The following PCDHA9 variants were observed in gnomAD, a reference collection of about 807,000 sequenced individuals.
The protein encoded by PCDHA9 is protocadherin alpha-9.
In PCDHA9, 62 loss-of-function variants were observed where a neutral mutation model predicts 62.0. That is an observed-to-expected ratio of 1.00 (90% CI 0.81 to 1.23). The LOEUF (loss-of-function observed/expected upper bound fraction) is 1.23. PCDHA9 is among the 50% of genes most tolerant of loss of function. The pLI is 0.00. For missense variants in PCDHA9, 1,205 were observed against 1,249.8 expected (o/e 0.96, Z 0.54); for synonymous variants, 557 against 567.6 (o/e 0.98, Z 0.27).
chr5:140,950,862 A>G (rs2094526538), intron 1 of PCDHA9, among the ~76,000 whole-genome samples: 1 of 151,952 alleles, frequency 6.6e-6, no homozygotes, highest in African/African-American at 2.4e-5. Context: ...ATATTCTTGT[A>G]TATTCTATAT....
chr5:140,932,593 A>T (rs1347990722), intron 1 of PCDHA9, among the ~76,000 whole-genome samples: 1 of 151,922 alleles, frequency 6.6e-6, no homozygotes, highest in South Asian at 2.1e-4. Context: ...GATGTTTTGT[A>T]TATCTATTTT....
intron 3 of PCDHA9, among the ~76,000 whole-genome samples, chr5:140,985,770 C>T (rs1456292041): frequency 1.5e-5 from 2 of 132,222 alleles, no homozygotes; most frequent in African/African-American, 2.8e-5. Flanking sequence ...GAGACAGTCT[C>T]GCTCTGTCGC....
At chr5:140,853,405 G>A (rs2042737613) in intron 1 of PCDHA9, 1 of 986,340 alleles carries the variant, frequency 1.0e-6, no homozygotes, top group Non-Finnish European at 1.2e-6. Flanking sequence ...GTTCAAAACA[G>A]AGAGGTGAAA....
chr5:140,866,964 C>T (rs1197921114), intron 1 of PCDHA9: 1 of 152,102 alleles, frequency 6.6e-6, no homozygotes, highest in East Asian at 1.9e-4. Flanking sequence ...GAGATGGTGA[C>T]ATCTGAAATA....
At chr5:140,959,524 C>T (rs187530929) in intron 1 of PCDHA9, among the ~76,000 whole-genome samples, 1 of 152,024 alleles carries the variant, frequency 6.6e-6, no homozygotes. Context: ...ATCTTTAAGA[C>T]CATTAATTCA....
chr5:140,921,051 C>T (rs2079992855), intron 1 of PCDHA9, among the ~76,000 whole-genome samples: 1 of 151,910 alleles, frequency 6.6e-6, no homozygotes, highest in Non-Finnish European at 1.5e-5. Context: ...GCAATCATAG[C>T]TCACTCTAAC....
At chr5:140,976,578 A>C (rs997881753) in intron 1 of PCDHA9, among the ~76,000 whole-genome samples, 1 of 152,204 alleles carries the variant, frequency 6.6e-6, no homozygotes, top group Admixed American at 6.5e-5. Context: ...TATAAATAAA[A>C]CACAGACTTT....
chr5:140,877,324 G>C (rs782336745), intron 1 of PCDHA9: 3 of 1,613,990 alleles, frequency 1.9e-6, no homozygotes, highest in Non-Finnish European at 2.5e-6. Context: ...GGCGGTCGGC[G>C]CGCACATCCC....
intron 1 of PCDHA9, chr5:140,884,544 G>A (rs1554181708): frequency 6.2e-7 from 1 of 1,614,222 alleles, no homozygotes; most frequent in East Asian, 2.2e-5. Flanking sequence ...CCGAGGGTGT[G>A]CTCTGGGGAG....
chr5:140,966,543 A>G lies in PCDHA9; in HGVS notation c.2395-12406A>G, dbSNP rs200134570. 641 of 461,190 alleles carry G rather than the reference A, an allele frequency of 1.4e-3. 4 individuals carry two copies. The highest frequency in any genetic ancestry group is 0.011 in the African/African-American group (555 of 49,108). The allele number at this position is 461,190 out of a possible 1,614,324, so 28.6% of individuals were successfully genotyped here. ...AGCCGAGCCGGGTTGAGCGACTCGGAGGCGAGCGGAGGAGCTGGAATATGG... is the reference window on the plus strand; with the variant it reads ...AGCCGAGCCGGGTTGAGCGACTCGGGGGCGAGCGGAGGAGCTGGAATATGG... On this transcript the variant is annotated intron_variant, in intron 1 of 3. Coordinates refer to ENST00000532602, the MANE Select transcript of PCDHA9 (RefSeq NM_031857.2).
chr5:140,917,960 T>C (rs531936377), intron 1 of PCDHA9, among the ~76,000 whole-genome samples: 8 of 152,316 alleles, frequency 5.3e-5, no homozygotes, highest in East Asian at 3.9e-4. Context: ...AGGAACATCA[T>C]TGAATCTGTG....
At chr5:140,885,267 C>CAT (rs1219745687) in intron 1 of PCDHA9, among the ~76,000 whole-genome samples, 1 of 151,978 alleles carries the variant, frequency 6.6e-6, no homozygotes, top group East Asian at 1.9e-4. Context: ...ATTACTCATA[C>CAT]ATATATATAT....
Position 140,910,294 on chromosome 5 carries a change from A to C in PCDHA9, c.2394+59405A>C, listed in dbSNP as rs146332329. Among the ~76,000 whole-genome samples, 1,310 of 151,558 alleles carry C rather than the reference A, an allele frequency of 8.6e-3. 14 individuals carry two copies. The highest frequency in any genetic ancestry group is 0.03 in the African/African-American group (1,252 of 41,252). ...TCTAGGAACACCATGATTAATCAAC[A>C]GATGCCAGAGATCTACATGAGTCAG... On this transcript the variant is annotated intron_variant, in intron 1 of 3. Transcript: ENST00000532602.
chr5:140,901,263 G>A (rs967047702), intron 1 of PCDHA9, among the ~76,000 whole-genome samples: 1 of 151,938 alleles, frequency 6.6e-6, no homozygotes, highest in Admixed American at 6.6e-5. Flanking sequence ...GTGATTGTGG[G>A]GTATTACTCA....
Position 140,850,531 on chromosome 5 carries a change from C to T in PCDHA9, c.2036C>T (p.Ser679Leu), listed in dbSNP as rs2150488289. 32 of 1,598,158 alleles carry T rather than the reference C, an allele frequency of 2.0e-5. 1 individual carries two copies. The East Asian group carries it at 2.5e-4, about 12-fold the overall frequency. Residue 679 changes from serine (S) to leucine (L), a missense_variant, in exon 1 of 4, where the codon TCG becomes TTG. This residue lies in a region of PCDHA9 where 887 missense variants were observed against 809.5 expected (regional missense o/e 1.10). Coordinates refer to ENST00000532602, the MANE Select transcript of PCDHA9 (RefSeq NM_031857.2). ...LVESGQAPKS[S>L]SRASVGATGP... ...GAGAGCGGCCAGGCGCCAAAGTCAT[C>T]GTCGCGGGCGTCAGTGGGTGCCACG...
Position 140,850,385 on chromosome 5 carries a change from G to A in PCDHA9, c.1890G>A (p.Glu630=), listed in dbSNP as rs2150481955. The A allele has an allele frequency of 2.5e-6, 4 of 1,598,006 alleles. No individual in the cohort carries two copies. Among genetic ancestry groups the A allele is most frequent in the South Asian group, 1.1e-5 (1 of 90,528 alleles). Residue 630 remains glutamate, a synonymous_variant, in exon 1 of 4, where the codon GAG becomes GAA. Coordinates refer to ENST00000532602, the MANE Select transcript of PCDHA9 (RefSeq NM_031857.2). ...TCCGCGTGGGGCTGTACACGGGCGA[G>A]ATCAGCACAACGCGTGCCCTGGACG... ...IPFRVGLYTG[E]ISTTRALDET...
intron 1 of PCDHA9, chr5:140,871,242 G>T: frequency 6.2e-7 from 1 of 1,613,980 alleles, no homozygotes; most frequent in South Asian, 1.1e-5. Flanking sequence ...TGGTACTCAC[G>T]CTGCTGCTGT....
chr5:140,958,900 C>T (rs246008), intron 1 of PCDHA9, among the ~76,000 whole-genome samples: 85,461 of 151,702 alleles, frequency 0.56, 24,676 homozygotes, highest in African/African-American at 0.69. Flanking sequence ...ATAATAGATA[C>T]AGAAAAGTCT....
Position 140,857,571 on chromosome 5 carries a change from C to G in PCDHA9, c.2394+6682C>G, listed in dbSNP as rs782707848. 16 of 1,596,746 alleles carry G rather than the reference C, an allele frequency of 1.0e-5. 2 individuals are homozygous for G. Among genetic ancestry groups the G allele is most frequent in the East Asian group, 2.2e-5 (1 of 44,820 alleles). ...GAGCGCTCGCTGTCGAGCTACGTGT[C>G]GGTGCACGCGGAGAGCGGCAAGGTG... On this transcript the variant is annotated intron_variant, in intron 1 of 3. Transcript: ENST00000532602.
Sources: gnomAD v4.1 joint callset for allele counts (sites outside exome capture counted in the v4.1 genomes callset) on GRCh38, gnomAD v4.1.1 for gene constraint, gnomAD v4.1.1 regional missense constraint, MANE v1.5 for transcripts, NCBI Gene and HGNC (gene_info 2026-07-23, HGNC 2026-07-21) for gene names.